The following SCFD1 variants were observed in gnomAD, a reference collection of about 807,000 sequenced individuals.
SCFD1 encodes the protein sec1 family domain containing 1.
A neutral mutation model predicts 103.2 loss-of-function variants in SCFD1; 37 were observed. The observed-to-expected ratio is 0.36, with a 90% confidence interval of 0.28 to 0.47. The LOEUF (loss-of-function observed/expected upper bound fraction) is 0.47. SCFD1 is among the 20% of genes least tolerant of loss of function. SCFD1 has a pLI of 1.00. For synonymous variants in SCFD1, 264 were observed against 245.0 expected, an observed-to-expected ratio of 1.08 and a Z score of -0.73; for missense variants, 639 against 761.2, an observed-to-expected ratio of 0.84 and a Z score of 1.89.
At chr14:30,628,123 T>G in intron 1 of SCFD1, 86 bp from the exon 2 acceptor site, 1 of 863,326 alleles carries the variant, frequency 1.2e-6, no homozygotes, top group Admixed American at 2.3e-5. Context: ...ATTAGTTTAT[T>G]TTGCTTTGGG....
At chr14:30,642,040 A>C (rs1341835439) in intron 6 of SCFD1, among the ~76,000 whole-genome samples, 1 of 152,162 alleles carries the variant, frequency 6.6e-6, no homozygotes, top group Non-Finnish European at 1.5e-5. Flanking sequence ...TGTAGCCCCA[A>C]GGCCTATTTG....
At chr14:30,731,700 T>A (rs1893481838) in intron 23 of SCFD1, among the ~76,000 whole-genome samples, 1 of 152,206 alleles carries the variant, frequency 6.6e-6, no homozygotes, top group Non-Finnish European at 1.5e-5. Flanking sequence ...GCACATTGAT[T>A]TTTGTATCCT....
At chr14:30,718,427 G>A (rs777780053) in intron 20 of SCFD1, among the ~76,000 whole-genome samples, 44 of 152,142 alleles carry the variant, frequency 2.9e-4, no homozygotes, top group Non-Finnish European at 5.6e-4. Context: ...TATTGCAGAC[G>A]GATATTTTTT....
At chr14:30,703,074 A>G (rs535500876) in intron 17 of SCFD1, among the ~76,000 whole-genome samples, 7 of 152,066 alleles carry the variant, frequency 4.6e-5, no homozygotes, top group African/African-American at 1.7e-4. Context: ...AAAAAAAATT[A>G]TAACACTCTT....
intron 4 of SCFD1, among the ~76,000 whole-genome samples, chr14:30,637,912 TA>T (rs1227235865): frequency 2.0e-5 from 3 of 152,172 alleles, no homozygotes; most frequent in African/African-American, 7.2e-5. Context: ...TTGTTGATAA[TA>T]TAATTTTATT....
intron 3 of SCFD1, among the ~76,000 whole-genome samples, chr14:30,632,551 G>T (rs1692673899): frequency 1.3e-5 from 2 of 152,164 alleles, no homozygotes; most frequent in Admixed American, 1.3e-4. Context: ...AAATAAGCAG[G>T]TTTGCTTTGA....
At chr14:30,635,308 TG>T (rs533886776) in intron 4 of SCFD1, among the ~76,000 whole-genome samples, 45 of 152,264 alleles carry the variant, frequency 3.0e-4, no homozygotes, top group African/African-American at 9.6e-4. Context: ...CACAAGTGTA[TG>T]GTTCATTGGT....
At chr14:30,670,881 T>A (rs1342900844) in intron 11 of SCFD1, among the ~76,000 whole-genome samples, 3 of 152,074 alleles carry the variant, frequency 2.0e-5, no homozygotes, top group Non-Finnish European at 4.4e-5. Context: ...GCCATGTGAT[T>A]TACTGTGGGC....
At chr14:30,675,235 G>A in intron 14 of SCFD1, 170 bp downstream of exon 14, 1 of 417,334 alleles carries the variant, frequency 2.4e-6, no homozygotes, top group East Asian at 3.8e-5. Flanking sequence ...AGTAACCTAG[G>A]AATCCAGAAA....
chr14:30,661,800 T>A (rs1203998253), intron 10 of SCFD1, among the ~76,000 whole-genome samples: 1 of 152,178 alleles, frequency 6.6e-6, no homozygotes, highest in African/African-American at 2.4e-5. Flanking sequence ...TTTTCTCTTG[T>A]GGAAATTAGT....
chr14:30,641,290 G>C (rs1283585421), intron 6 of SCFD1, among the ~76,000 whole-genome samples: 1 of 152,080 alleles, frequency 6.6e-6, no homozygotes, highest in East Asian at 1.9e-4. Context: ...CCATGGATTG[G>C]GAGCAAGGAG....
intron 20 of SCFD1, among the ~76,000 whole-genome samples, chr14:30,718,574 A>T (rs897501988): frequency 6.6e-6 from 1 of 152,236 alleles, no homozygotes; most frequent in Admixed American, 6.5e-5. Context: ...AGATTAGCAA[A>T]ATGCTAAAGA....
In SCFD1 at chr14:30,624,123, CTT is replaced by C. The variant is rs572802838; in HGVS notation, c.61+1726_61+1727del. Among the ~76,000 whole-genome samples the C allele has an allele frequency of 2.5e-4, 38 of 152,290 alleles. 1 individual carries two copies. In the South Asian group the frequency reaches 7.9e-3, roughly 32 times the overall value. On this transcript the variant is annotated intron_variant, in intron 1 of 24. Coordinates refer to ENST00000458591, the MANE Select transcript of SCFD1 (RefSeq NM_016106.4). The stretch of plus-strand genomic sequence containing the variant: ...AATCTTTATTGGTCTCCTGAAAAAT[CTT>C]TATTGATCTTTTGAAGGTCATCCCA...
chr14:30,640,012 A>G, intron 6 of SCFD1, 148 bp downstream of exon 6: 2 of 946,040 alleles, frequency 2.1e-6, no homozygotes, highest in South Asian at 1.8e-5. Context: ...CACAGAGAAA[A>G]CAAGGCTCAG....
chr14:30,659,455 G>A (rs1887233139), intron 10 of SCFD1, among the ~76,000 whole-genome samples: 1 of 152,084 alleles, frequency 6.6e-6, no homozygotes, highest in African/African-American at 2.4e-5. Flanking sequence ...GACTGTATTG[G>A]ACAGTGCAAT....
intron 14 of SCFD1, among the ~76,000 whole-genome samples, chr14:30,688,768 A>T (rs992661718): frequency 1.8e-5 from 1 of 54,854 alleles, no homozygotes; most frequent in Admixed American, 2.2e-4. Flanking sequence ...TCTTTATCCA[A>T]CTTGCCAGTC....
At chr14:30,625,266 G>T (rs1883268897) in intron 1 of SCFD1, among the ~76,000 whole-genome samples, 2 of 152,092 alleles carry the variant, frequency 1.3e-5, no homozygotes, top group Non-Finnish European at 2.9e-5. Flanking sequence ...ACCAAGTCTA[G>T]GAATATGGAT....
upstream of SCFD1, chr14:30,622,296 C>G: frequency 6.3e-7 from 1 of 1,593,170 alleles, no homozygotes; most frequent in South Asian, 1.1e-5. Flanking sequence ...ACGTCATCCC[C>G]CCGCTCCGCT....
chr14:30,624,027 C>T (rs1883127427), intron 1 of SCFD1, among the ~76,000 whole-genome samples: 1 of 152,130 alleles, frequency 6.6e-6, no homozygotes, highest in Admixed American at 6.5e-5. Flanking sequence ...TGTATTATCT[C>T]CATTTTACAG....
Sources: gnomAD v4.1 joint callset for allele counts (sites outside exome capture counted in the v4.1 genomes callset) on GRCh38, gnomAD v4.1.1 for gene constraint, MANE v1.5 for transcripts, NCBI Gene and HGNC (gene_info 2026-07-23, HGNC 2026-07-21) for gene names.